Variants in TTC6 observed in about 807,000 individuals in gnomAD.
TTC6 encodes the protein tetratricopeptide repeat protein 6.
TTC6 carries 172 observed loss-of-function variants against 210.4 expected under a neutral mutation model. That is an observed-to-expected ratio of 0.82 (90% CI 0.72 to 0.93). The LOEUF (loss-of-function observed/expected upper bound fraction) is 0.93, where lower values mean the gene tolerates loss of function less well. Ranked by LOEUF, TTC6 falls within the 40% of genes least tolerant of loss-of-function variation. The pLI is 0.00. For synonymous variants in TTC6, 804 were observed against 819.6 expected, an observed-to-expected ratio of 0.98 and a Z score of 0.32; for missense variants, 2,414 against 2,318.1, an observed-to-expected ratio of 1.04 and a Z score of -0.85.
At chr14:37,668,245 TTC>T (rs2095752005) in intron 1 of TTC6, among the ~76,000 whole-genome samples, 1 of 150,682 alleles carries the variant, frequency 6.6e-6, no homozygotes, top group Non-Finnish European at 1.5e-5. Flanking sequence ...CATTATTTTT[TTC>T]TTTTTCCTTC....
chr14:37,640,777 A>G (rs1443370887), intron 1 of TTC6, among the ~76,000 whole-genome samples: 1 of 152,206 alleles, frequency 6.6e-6, no homozygotes, highest in Non-Finnish European at 1.5e-5. Flanking sequence ...TCCTGACCTC[A>G]GGTGATCTAA....
chr14:37,724,756 T>TA, intron 6 of TTC6, 142 bp from the exon 9 acceptor site: 1 of 478,888 alleles, frequency 2.1e-6, no homozygotes, highest in Non-Finnish European at 3.7e-6. Context: ...CTGATGGCTG[T>TA]AAAAAAATTC....
Position 37,714,643 on chromosome 14 carries a change from A to G in TTC6, c.1572-12A>G, listed in dbSNP as rs1249892090. 4.6e-6 allele frequency: 7 copies of G among 1,531,946 alleles called. No individual in the cohort carries two copies. Among genetic ancestry groups the G allele is most frequent in the African/African-American group, 1.4e-5 (1 of 72,820 alleles). 94.9% of individuals were successfully genotyped at this position (1,531,946 alleles called of 1,614,324 possible). On this transcript the variant is annotated splice_polypyrimidine_tract_variant and intron_variant, in intron 5 of 30. Transcript: ENST00000553443. ...CTTAAAAAGCAAACTTATTGTTCTT[A>G]TCACATTGTAGAATATTGTATGGAA...
intron 3 of TTC6, 56 bp from the exon 6 acceptor site, chr14:37,696,661 G>T: frequency 1.2e-6 from 1 of 834,630 alleles, no homozygotes; most frequent in Non-Finnish European, 1.7e-6. Context: ...ATGAGAGAAA[G>T]ATCTAACTCT....
chr14:37,807,579 C>CA, intron 23 of TTC6, 119 bp downstream of exon 25: 1 of 756,548 alleles, frequency 1.3e-6, no homozygotes, highest in Non-Finnish European at 1.9e-6. Context: ...ATATGAAGGG[C>CA]AGAACTACAT....
intron 1 of TTC6, among the ~76,000 whole-genome samples, chr14:37,677,680 A>G (rs964739707): frequency 9.9e-5 from 15 of 152,028 alleles, no homozygotes; most frequent in African/African-American, 3.6e-4. Context: ...CTGGAACCCC[A>G]ATTAAATATA....
intron 1 of TTC6, among the ~76,000 whole-genome samples, chr14:37,632,757 G>A (rs1422399050): frequency 6.6e-6 from 1 of 152,224 alleles, no homozygotes; most frequent in African/African-American, 2.4e-5. Context: ...CAGAGAGATG[G>A]GAGTTTTATC....
intron 4 of TTC6, among the ~76,000 whole-genome samples, chr14:37,697,406 C>A (rs2095816911): frequency 6.6e-6 from 1 of 152,122 alleles, no homozygotes; most frequent in Non-Finnish European, 1.5e-5. Flanking sequence ...TGCTAGTCAC[C>A]TTGTTGAAAC....
In TTC6 at chr14:37,682,734, T is replaced by G. The variant is rs1393478961; in HGVS notation, c.1051-24T>G. 2.0e-6 allele frequency: 3 copies of G among 1,528,664 alleles called. No individual in the cohort carries two copies. In the East Asian group the frequency reaches 7.3e-5, roughly 37 times the overall value. The allele number at this position is 1,528,664 out of a possible 1,614,324, so 94.7% of individuals were successfully genotyped here. A position where few individuals can be genotyped will look rare whatever the true frequency, so the allele number is the denominator to read the frequency against. ...AAGGACCAATAAAAAAAAAGCATTC[T>G]TGCACATTTACTTTTTCCAACAGAG... On this transcript the variant is annotated intron_variant, in intron 2 of 30. Transcript: ENST00000553443.
At chr14:37,733,535 G>A (rs1246926264) in intron 7 of TTC6, among the ~76,000 whole-genome samples, 1 of 152,092 alleles carries the variant, frequency 6.6e-6, no homozygotes, top group Non-Finnish European at 1.5e-5. Context: ...GAGTAATGAT[G>A]TTCCATTATT....
At chr14:37,649,226 G>A (rs2095706872) in intron 1 of TTC6, among the ~76,000 whole-genome samples, 1 of 152,144 alleles carries the variant, frequency 6.6e-6, no homozygotes, top group Non-Finnish European at 1.5e-5. Context: ...AAACTTTTGT[G>A]AGATGATATA....
At chr14:37,829,892 A>T (rs2096180619) in intron 29 of TTC6, among the ~76,000 whole-genome samples, 1 of 151,984 alleles carries the variant, frequency 6.6e-6, no homozygotes, top group Admixed American at 6.6e-5. Flanking sequence ...TTTAATATTT[A>T]TGTATTATTT....
At chr14:37,794,962 A>G (rs140117563) in intron 17 of TTC6, among the ~76,000 whole-genome samples, 1 of 152,302 alleles carries the variant, frequency 6.6e-6, no homozygotes, top group African/African-American at 2.4e-5. Flanking sequence ...ACTAAATGAT[A>G]AAAGAGAACA....
intron 14 of TTC6, chr14:37,772,587 C>T (rs1352504806): frequency 6.5e-6 from 1 of 153,002 alleles, no homozygotes; most frequent in Admixed American, 6.5e-5. Context: ...TCCGTCACCC[C>T]TTTCTTTGAC....
chr14:37,701,272 A>G (rs2095824730), intron 4 of TTC6, 60 bp from the exon 7 acceptor site: 5 of 1,189,470 alleles, frequency 4.2e-6, no homozygotes, highest in Non-Finnish European at 5.5e-6. Context: ...GTATAAATGT[A>G]CTTTATATCT....
chr14:37,719,673 A>AT lies in TTC6; in HGVS notation c.1713+4877_1713+4878insT, dbSNP rs1289484319. Among the ~76,000 whole-genome samples, 4 of 152,304 alleles carry AT rather than the reference A, an allele frequency of 2.6e-5. No homozygotes were observed. In the East Asian group the frequency reaches 7.7e-4, roughly 29 times the overall value. On this transcript the variant is annotated intron_variant, in intron 6 of 30. Coordinates refer to ENST00000553443, the Ensembl canonical transcript of TTC6. ...TTAGCCAGAAAAAGAACCCTGACCT[A>AT]AGTCTTGCATCCTATAAAAAATGTA...
chr14:37,690,159 A>G (rs2138608931), intron 3 of TTC6, among the ~76,000 whole-genome samples: 1 of 152,200 alleles, frequency 6.6e-6, no homozygotes, highest in Middle Eastern at 3.4e-3. Context: ...TTCTCAGTTT[A>G]AAATAATGGA....
chr14:37,645,123 C>T (rs891018753), intron 1 of TTC6, among the ~76,000 whole-genome samples: 2 of 152,204 alleles, frequency 1.3e-5, no homozygotes, highest in East Asian at 3.8e-4. Flanking sequence ...TCCTCACCAG[C>T]TTTGTGCATT....
rs946081392 is a variant in TTC6, at chr14:37,807,476, G to C, written c.4455+16G>C. ...CTACAACAAGGTAGGGCCATTTCCT[G>C]CCTGGTTTACCGAAATTTTAGGGTG... is the stretch of plus-strand genomic sequence containing the variant. On this transcript the variant is annotated intron_variant, in intron 23 of 30. Coordinates refer to ENST00000553443, the Ensembl canonical transcript of TTC6. 3.4e-6 allele frequency: 5 copies of C among 1,451,406 alleles called. No individual in the cohort carries two copies. The highest frequency in any genetic ancestry group is 4.0e-5 in the Admixed American group (2 of 49,822). 89.9% of individuals were successfully genotyped at this position (1,451,406 alleles called of 1,614,324 possible). A position where few individuals can be genotyped will look rare whatever the true frequency, so the allele number is the denominator to read the frequency against.
Sources: gnomAD v4.1 joint callset for allele counts (sites outside exome capture counted in the v4.1 genomes callset) on GRCh38, gnomAD v4.1.1 for gene constraint, MANE v1.5 for transcripts, NCBI Gene and HGNC (gene_info 2026-07-23, HGNC 2026-07-21) for gene names.